The following EPB42 variants were observed in gnomAD, a reference collection of about 807,000 sequenced individuals.
EPB42 encodes the protein protein 4.2.
Under a neutral mutation model 76.9 loss-of-function variants are expected in EPB42, and 49 were observed. The observed-to-expected ratio is 0.64, with a 90% confidence interval of 0.51 to 0.81. The LOEUF (loss-of-function observed/expected upper bound fraction) is 0.81. EPB42 is among the 30% of genes least tolerant of loss of function. The pLI is 0.00. For missense variants in EPB42, 731 were observed against 867.6 expected (o/e 0.84, Z 1.98); for synonymous variants, 310 against 338.4 (o/e 0.92, Z 0.92).
chr15:43,219,358 A>G (rs1480266897), intron 1 of EPB42, among the ~76,000 whole-genome samples: 1 of 152,206 alleles, frequency 6.6e-6, no homozygotes. Flanking sequence ...TTGTAAGTTT[A>G]TACAATTTAA....
At position 43,207,068 on chromosome 15, in the gene EPB42, G is replaced by A. The variant is rs530558652; in HGVS notation, c.1318+131C>T. 1.2e-4 allele frequency: 159 copies of A among 1,358,300 alleles called. No homozygotes were observed. In the African/African-American group the frequency reaches 1.6e-3, roughly 13 times the overall value. The allele number at this position is 1,358,300 out of a possible 1,614,324, so 84.1% of individuals were successfully genotyped here. On this transcript the variant is annotated intron_variant, in intron 9 of 12. Coordinates refer to ENST00000441366, the MANE Select transcript of EPB42 (RefSeq NM_001114134.2). ...CCCAAATGTCAATGGTGTCAAATGG[G>A]GTTGAGAAACCCTGTTTTATATGAT...
intron 12 of EPB42, among the ~76,000 whole-genome samples, chr15:43,201,450 A>G (rs1469909911): frequency 6.6e-6 from 1 of 152,210 alleles, no homozygotes; most frequent in Admixed American, 6.5e-5. Context: ...GAATAAATTA[A>G]ACAAAATTGT....
chr15:43,223,241 C>T (rs150332829), upstream of EPB42, among the ~76,000 whole-genome samples: 18 of 152,088 alleles, frequency 1.2e-4, no homozygotes, highest in East Asian at 3.5e-3. Flanking sequence ...AGCTTGAACC[C>T]GGGAGGTTGG....
intron 10 of EPB42, among the ~76,000 whole-genome samples, chr15:43,205,046 A>G (rs1344448752): frequency 7.4e-6 from 1 of 135,462 alleles, no homozygotes; most frequent in Non-Finnish European, 1.5e-5. Context: ...GACCCCTTCC[A>G]TTCCATTCTG....
intron 11 of EPB42, 99 bp from the exon 12 acceptor site, chr15:43,202,076 A>C: frequency 9.2e-5 from 142 of 1,549,216 alleles, no homozygotes; most frequent in Middle Eastern, 2.3e-4. Context: ...AAGTTTCCTC[A>C]TCTCTGCCAA....
At chr15:43,215,632 T>A (rs2042366987) in intron 2 of EPB42, among the ~76,000 whole-genome samples, 3 of 152,240 alleles carry the variant, frequency 2.0e-5, no homozygotes, top group Admixed American at 2.0e-4. Context: ...GTAGTATGGA[T>A]TCAATAAACA....
intron 12 of EPB42, among the ~76,000 whole-genome samples, 169 bp downstream of exon 12, chr15:43,201,675 G>T (rs992650902): frequency 6.6e-6 from 1 of 152,172 alleles, no homozygotes; most frequent in Non-Finnish European, 1.5e-5. Context: ...CTGCAGATAT[G>T]GTGGTCCTAG....
At chr15:43,221,097 A>T (rs2142334709), upstream of EPB42, 14 of 446,476 alleles carry the variant, frequency 3.1e-5, no homozygotes, top group Non-Finnish European at 4.6e-5. Flanking sequence ...CAGGAGGCCC[A>T]GGCAGGAATA....
At chr15:43,201,790 C>G in intron 12 of EPB42, 54 bp downstream of exon 12, 1 of 1,613,080 alleles carries the variant, frequency 6.2e-7, no homozygotes, top group Non-Finnish European at 8.5e-7. Context: ...TTGGGCCCTG[C>G]CTTTCTGACC....
Position 43,197,392 on chromosome 15 carries a change from C to G in EPB42, c.1986G>C (p.Gln662His). Residue 662 changes from glutamine (Q) to histidine (H), a missense_variant, in exon 13 of 13, where the codon CAG (glutamine) becomes CAC (histidine). Gln to His is a conservative substitution (Grantham distance 24). Transcript: ENST00000441366. ...FQFTPTHVGL[Q>H]RLTVEVDCNM... Reference sequence around the variant, plus strand: ...TGCAGTCCACTTCCACAGTGAGTCTCTGGAGCCCCACATGTGTTGGCGTGA... The same window carrying G: ...TGCAGTCCACTTCCACAGTGAGTCTGTGGAGCCCCACATGTGTTGGCGTGA... 6.2e-7 allele frequency: 1 copy of G among 1,614,186 alleles called. No individual in the cohort carries two copies. Among genetic ancestry groups the G allele is most frequent in the Admixed American group, 1.7e-5 (1 of 60,024 alleles).
At chr15:43,222,138 G>GAA (rs201705216), upstream of EPB42, among the ~76,000 whole-genome samples, 4 of 124,394 alleles carry the variant, frequency 3.2e-5, no homozygotes, top group Non-Finnish European at 3.5e-5. Flanking sequence ...CTCCATCTCA[G>GAA]AAAAAAAAAA....
chr15:43,219,705 T>C (rs2042429359), intron 1 of EPB42, among the ~76,000 whole-genome samples: 1 of 152,210 alleles, frequency 6.6e-6, no homozygotes, highest in African/African-American at 2.4e-5. Context: ...CCCAGAACTT[T>C]GGGAGGCCGA....
At chr15:43,199,180 C>T (rs111462998) in intron 12 of EPB42, among the ~76,000 whole-genome samples, 129 of 152,308 alleles carry the variant, frequency 8.5e-4, no homozygotes, top group African/African-American at 3.0e-3. Context: ...CTCCACACCC[C>T]AGAATGGTAG....
intron 10 of EPB42, among the ~76,000 whole-genome samples, chr15:43,205,579 T>C (rs1435031973): frequency 1.3e-5 from 2 of 152,102 alleles, no homozygotes; most frequent in East Asian, 3.9e-4. Flanking sequence ...TTTGTATTTT[T>C]AGTAGAGTCG....
Position 43,218,315 on chromosome 15 carries a change from C to A in EPB42, c.11-1862G>T, listed in dbSNP as rs537024877. Among the ~76,000 whole-genome samples the A allele has an allele frequency of 1.4e-3, 214 of 152,216 alleles. 8 individuals carry two copies. The South Asian group carries it at 0.043, about 30-fold the overall frequency. On this transcript the variant is annotated intron_variant, in intron 1 of 12. Coordinates refer to ENST00000441366, the MANE Select transcript of EPB42 (RefSeq NM_001114134.2). ...AACCCACGTAATGACCATAGTGTTA[C>A]GGCAAGAGTCACTAGAATTCATTTG...
rs140331353 is a variant in EPB42, at chr15:43,209,044, G to A, written c.832+230C>T. Among the ~76,000 whole-genome samples, 214 of 152,340 alleles carry A rather than the reference G, an allele frequency of 1.4e-3. 2 individuals carry two copies. Among genetic ancestry groups the A allele is most frequent in the African/African-American group, 5.1e-3 (210 of 41,576 alleles). On this transcript the variant is annotated intron_variant, in intron 6 of 12. Coordinates refer to ENST00000441366, the MANE Select transcript of EPB42 (RefSeq NM_001114134.2). ...GGCTGCTCTGCTAGGGCAGGGTTAG[G>A]GAAGTAAGTGAATTTGGGAAAGGAG...
At chr15:43,218,392 T>A (rs371113253) in intron 1 of EPB42, among the ~76,000 whole-genome samples, 5 of 152,302 alleles carry the variant, frequency 3.3e-5, no homozygotes, top group African/African-American at 1.2e-4. Context: ...ACCTGGCAGA[T>A]GTCTACTCAT....
Position 43,216,722 on chromosome 15 carries a change from CTGT to C in EPB42, c.11-272_11-270del, listed in dbSNP as rs137953250. On this transcript the variant is annotated intron_variant, in intron 1 of 12. Transcript: ENST00000441366. ...ACACAGTAAGTCCCATTAAATGAAA[CTGT>C]TGTTGTTGTTATTATTATTAATAAG... Among the ~76,000 whole-genome samples the C allele has an allele frequency of 8.9e-4, 136 of 152,276 alleles. 2 individuals carry two copies. The East Asian group carries it at 0.024, about 26-fold the overall frequency.
intron 8 of EPB42, 78 bp from the exon 9 acceptor site, chr15:43,207,519 C>A: frequency 1.3e-6 from 2 of 1,598,430 alleles, no homozygotes; most frequent in Non-Finnish European, 1.7e-6. Flanking sequence ...AACCTCAGTC[C>A]CCATCCTCTA....
Sources: allele counts gnomAD v4.1 joint callset (sites outside exome capture counted in the v4.1 genomes callset), GRCh38; gene constraint gnomAD v4.1.1; transcripts MANE v1.5; gene names NCBI Gene and HGNC (gene_info 2026-07-23, HGNC 2026-07-21).